Variants in RIPOR2 observed in about 807,000 individuals in gnomAD.
RIPOR2 encodes rho family-interacting cell polarization regulator 2.
A neutral mutation model predicts 114.5 loss-of-function variants in RIPOR2; 39 were observed. The observed-to-expected ratio is 0.34, with a 90% confidence interval of 0.26 to 0.44. RIPOR2 has a LOEUF of 0.44. Among genes scored for constraint, RIPOR2 ranks in the 20% least tolerant of loss-of-function variants. RIPOR2 has a pLI of 1.00. For missense variants in RIPOR2, 1,007 were observed against 1,255.1 expected (o/e 0.80, Z 2.99); for synonymous variants, 445 against 484.4 (o/e 0.92, Z 1.07).
intron 1 of RIPOR2, among the ~76,000 whole-genome samples, chr6:24,924,479 C>T (rs1271731477): frequency 2.6e-5 from 4 of 152,102 alleles, no homozygotes; most frequent in Non-Finnish European, 5.9e-5. Flanking sequence ...TACTGTTGGG[C>T]TGAGAGAAAA....
chr6:25,025,490 A>G (rs1427492832), intron 1 of RIPOR2, among the ~76,000 whole-genome samples: 2 of 152,098 alleles, frequency 1.3e-5, no homozygotes, highest in African/African-American at 2.4e-5. Flanking sequence ...AAAAAAAATG[A>G]CAGTGACAGA....
At chr6:25,012,286 A>G (rs1775806464) in intron 1 of RIPOR2, among the ~76,000 whole-genome samples, 1 of 152,242 alleles carries the variant, frequency 6.6e-6, no homozygotes, top group Non-Finnish European at 1.5e-5. Context: ...TGAGAATATA[A>G]AGATTCAGCC....
chr6:24,820,977 A>G (rs1027914395), intron 19 of RIPOR2, among the ~76,000 whole-genome samples: 39 of 144,894 alleles, frequency 2.7e-4, no homozygotes, highest in African/African-American at 1.0e-3. Context: ...GGTTCAAGCC[A>G]TACGCCCACC....
intron 1 of RIPOR2, among the ~76,000 whole-genome samples, chr6:24,958,914 G>T (rs1410868520): frequency 6.6e-6 from 1 of 150,566 alleles, no homozygotes; most frequent in African/African-American, 2.5e-5. Flanking sequence ...TCAATCCTTG[G>T]TGTTCCTTGG....
rs561219062 is a variant in RIPOR2 at position 24,927,534 on chromosome 6, A to G, written c.61+8304T>C. Among the ~76,000 whole-genome samples the G allele has an allele frequency of 1.4e-3, 218 of 151,700 alleles. 1 individual carries two copies. The highest frequency in any genetic ancestry group is 4.4e-3 in the South Asian group (21 of 4,764). ...CATAACCAATACCACTACCACCACT[A>G]TCATCATCATGATTATTATCATCAT... On this transcript the variant is annotated intron_variant, in intron 1 of 21. Transcript: ENST00000643898.
intron 1 of RIPOR2, among the ~76,000 whole-genome samples, chr6:24,926,922 C>T: frequency 6.6e-6 from 1 of 150,434 alleles, no homozygotes; most frequent in Admixed American, 6.6e-5. Flanking sequence ...CCACCATCAT[C>T]ATCACCACCA....
chr6:25,009,713 A>C (rs1775702311), intron 1 of RIPOR2, among the ~76,000 whole-genome samples: 1 of 152,248 alleles, frequency 6.6e-6, no homozygotes, highest in South Asian at 2.1e-4. Context: ...AAGTCTATCT[A>C]ACTCATGAGA....
chr6:24,808,980 G>A (rs950996572), intron 21 of RIPOR2, among the ~76,000 whole-genome samples: 1 of 151,912 alleles, frequency 6.6e-6, no homozygotes, highest in Admixed American at 6.6e-5. Context: ...GGCTGGTCTC[G>A]AACTCTTGAC....
chr6:24,943,468 G>T (rs9379698), intron 1 of RIPOR2, among the ~76,000 whole-genome samples: 18,657 of 151,808 alleles, frequency 0.12, 1,401 homozygotes, highest in East Asian at 0.33. Flanking sequence ...TTGTGCACAT[G>T]TACCCTAAAA....
intron 1 of RIPOR2, among the ~76,000 whole-genome samples, chr6:24,977,874 G>A (rs953491425): frequency 6.6e-6 from 1 of 152,178 alleles, no homozygotes; most frequent in Non-Finnish European, 1.5e-5. Context: ...ATCTAAAGCT[G>A]TGATATCAGC....
intron 2 of RIPOR2, 100 bp downstream of exon 2, chr6:24,875,591 G>GT (rs938186115): frequency 9.0e-7 from 1 of 1,105,470 alleles, no homozygotes; most frequent in African/African-American, 1.6e-5. Context: ...GAGGCCGGGG[G>GT]GCGGTTTGAC....
intron 1 of RIPOR2, chr6:25,023,531 A>G: frequency 1.3e-6 from 1 of 773,762 alleles, no homozygotes. Flanking sequence ...AGCGGTGTAC[A>G]CCAGCTCAGC....
chr6:24,934,073 G>C (rs1203003448), intron 1 of RIPOR2, among the ~76,000 whole-genome samples: 1 of 152,160 alleles, frequency 6.6e-6, no homozygotes, highest in African/African-American at 2.4e-5. Flanking sequence ...ATGTAAAAGA[G>C]CAAAATTCCT....
At chr6:25,005,210 G>C (rs780513780) in intron 1 of RIPOR2, among the ~76,000 whole-genome samples, 2 of 152,174 alleles carry the variant, frequency 1.3e-5, no homozygotes, top group Non-Finnish European at 2.9e-5. Flanking sequence ...ACACTGTTGT[G>C]GTCACCAGAG....
At chr6:24,806,894 T>TA (rs1331858877) in intron 21 of RIPOR2, among the ~76,000 whole-genome samples, 6 of 152,348 alleles carry the variant, frequency 3.9e-5, no homozygotes, top group Admixed American at 1.3e-4. Flanking sequence ...TGATATGTGG[T>TA]AAAATCAATC....
intron 8 of RIPOR2, among the ~76,000 whole-genome samples, chr6:24,854,853 C>G: frequency 6.6e-6 from 1 of 151,894 alleles, no homozygotes; most frequent in Non-Finnish European, 1.5e-5. Flanking sequence ...CATGGTGAAA[C>G]CCTATCTCTA....
At chr6:24,840,879 G>T in intron 13 of RIPOR2, 2 of 1,104,988 alleles carry the variant, frequency 1.8e-6, no homozygotes, top group Non-Finnish European at 2.6e-6. Flanking sequence ...ACACTCACTA[G>T]TGATGTTTTC....
At chr6:25,005,831 A>G (rs1775541579) in intron 1 of RIPOR2, among the ~76,000 whole-genome samples, 1 of 149,156 alleles carries the variant, frequency 6.7e-6, no homozygotes, top group Non-Finnish European at 1.5e-5. Flanking sequence ...GAGCTCTGGG[A>G]TCCCAGCCCT....
chr6:24,934,634 A>T (rs578071669), intron 1 of RIPOR2, among the ~76,000 whole-genome samples: 1 of 152,234 alleles, frequency 6.6e-6, no homozygotes, highest in Non-Finnish European at 1.5e-5. Flanking sequence ...AAATTACTGA[A>T]TAGAGTTTTT....
Sources: allele counts gnomAD v4.1 joint callset (sites outside exome capture counted in the v4.1 genomes callset), GRCh38; gene constraint gnomAD v4.1.1; transcripts MANE v1.5; gene names NCBI Gene and HGNC (gene_info 2026-07-23, HGNC 2026-07-21).